Variants in KIF20B observed in about 807,000 individuals in gnomAD.
The protein encoded by KIF20B is kinesin-like protein KIF20B.
Under a neutral mutation model 232.5 loss-of-function variants are expected in KIF20B, and 188 were observed. That is an observed-to-expected ratio of 0.81 (90% CI 0.72 to 0.91). The LOEUF is 0.91. Among genes scored for constraint, KIF20B ranks in the 40% least tolerant of loss-of-function variants. KIF20B has a pLI of 0.00. For missense variants in KIF20B, 2,154 were observed against 2,055.9 expected, an observed-to-expected ratio of 1.05 and a Z score of -0.92; for synonymous variants, 712 against 683.0, an observed-to-expected ratio of 1.04 and a Z score of -0.66.
At chr10:89,753,711 C>G (rs941367252) in intron 25 of KIF20B, among the ~76,000 whole-genome samples, 5 of 152,196 alleles carry the variant, frequency 3.3e-5, no homozygotes, top group Admixed American at 1.3e-4. Flanking sequence ...GCCTCCACCC[C>G]CTGGGTTCAA....
At chr10:89,773,232 G>A (rs1241094932) in intron 32 of KIF20B, among the ~76,000 whole-genome samples, 1 of 151,720 alleles carries the variant, frequency 6.6e-6, no homozygotes, top group Non-Finnish European at 1.5e-5. Flanking sequence ...AGCCTTTGAG[G>A]ATCTATTAGG....
chr10:89,710,838 A>G (rs1357764034), intron 5 of KIF20B, 123 bp from the exon 6 acceptor site: 4 of 624,422 alleles, frequency 6.4e-6, no homozygotes, highest in Non-Finnish European at 8.1e-6. Context: ...ATCCTTAGCT[A>G]TCATTTCCGT....
chr10:89,726,502 G>GT lies in KIF20B; in HGVS notation c.2213dup (p.Leu738PhefsTer7). ...GAGAATTAATCAAAACCAAAGAAGA[G>GT]TTAAAAAAGAGAGAAAATGGTAAGT... On this transcript the variant is annotated frameshift_variant, in exon 16 of 33. Coordinates refer to ENST00000371728, the MANE Select transcript of KIF20B (RefSeq NM_001284259.2). LOFTEE classifies it high-confidence loss of function. The GT allele has an allele frequency of 6.3e-7, 1 of 1,589,286 alleles. No homozygotes were observed.
chr10:89,716,048 A>G (rs537392606), intron 8 of KIF20B, among the ~76,000 whole-genome samples: 9 of 149,648 alleles, frequency 6.0e-5, no homozygotes, highest in African/African-American at 2.2e-4. Flanking sequence ...TCATGATTCA[A>G]TAAATCTGAT....
chr10:89,717,505 A>G lies in KIF20B; in HGVS notation c.1124+10A>G, dbSNP rs753897421. ...TAATTCGAGTCAGTGAGTAAGTTGA[A>G]TATTCTTTAAATTTAATTATTTGTA... On this transcript the variant is annotated intron_variant, in intron 10 of 32. Coordinates refer to ENST00000371728, the MANE Select transcript of KIF20B (RefSeq NM_001284259.2). 4 of 1,589,188 alleles carry G rather than the reference A, an allele frequency of 2.5e-6. No individual in the cohort carries two copies. Among genetic ancestry groups the G allele is most frequent in the East Asian group, 4.5e-5 (2 of 44,236 alleles).
intron 29 of KIF20B, among the ~76,000 whole-genome samples, chr10:89,767,356 A>G (rs886191550): frequency 7.4e-6 from 1 of 135,590 alleles, no homozygotes; most frequent in Non-Finnish European, 1.6e-5. Context: ...GACAGGCTAT[A>G]TTCTAATCCA....
chr10:89,728,439 T>C (rs1041500855), intron 17 of KIF20B, among the ~76,000 whole-genome samples: 3 of 152,242 alleles, frequency 2.0e-5, no homozygotes, highest in African/African-American at 7.2e-5. Flanking sequence ...TCAAGTGCTT[T>C]TTATTAACTC....
intron 29 of KIF20B, chr10:89,766,159 C>T (rs1404967454): frequency 6.6e-6 from 1 of 152,124 alleles, no homozygotes; most frequent in Admixed American, 6.6e-5. Context: ...TAGATTTGGT[C>T]TTTTCACATA....
rs1359405419 is a variant in KIF20B at position 89,716,479 on chromosome 10, A to G, written c.984A>G (p.Arg328=). Residue 328 remains arginine, a synonymous_variant, in exon 9 of 33, where the codon AGA becomes AGG. Transcript: ENST00000371728. ...TATCTGATTCCAAAGAAGCCTATAG[A>G]CTTTTAAAACTAGGAATAAAGCACC... ...IQVSDSKEAY[R]LLKLGIKHQS... 6.3e-7 allele frequency: 1 copy of G among 1,588,086 alleles called. No individual in the cohort carries two copies. Among genetic ancestry groups the G allele is most frequent in the Non-Finnish European group, 8.6e-7 (1 of 1,164,342 alleles).
At chr10:89,765,241 A>G (rs1394235042) in intron 29 of KIF20B, among the ~76,000 whole-genome samples, 1 of 152,174 alleles carries the variant, frequency 6.6e-6, no homozygotes, top group African/African-American at 2.4e-5. Context: ...CTTATACACC[A>G]ATAACAGACA....
intron 27 of KIF20B, among the ~76,000 whole-genome samples, chr10:89,759,582 G>A (rs761278843): frequency 6.6e-6 from 1 of 152,114 alleles, no homozygotes; most frequent in Non-Finnish European, 1.5e-5. Context: ...GTATTGTGTT[G>A]TTTAATAATA....
intron 9 of KIF20B, among the ~76,000 whole-genome samples, chr10:89,716,890 G>A (rs930909437): frequency 5.3e-5 from 8 of 152,178 alleles, no homozygotes; most frequent in African/African-American, 1.2e-4. Flanking sequence ...TACTCAGTGA[G>A]GGTATAATCT....
intron 20 of KIF20B, 133 bp downstream of exon 20, chr10:89,738,750 T>C: frequency 8.1e-7 from 1 of 1,240,234 alleles, no homozygotes; most frequent in South Asian, 1.7e-5. Context: ...AACTTGAACT[T>C]TGTCCATATA....
intron 15 of KIF20B, 106 bp downstream of exon 15, chr10:89,725,264 A>G: frequency 2.0e-6 from 2 of 1,011,216 alleles, no homozygotes; most frequent in East Asian, 2.5e-5. Context: ...AATTAAAACA[A>G]TGCTTTGTGT....
At chr10:89,752,149 G>A (rs1842032943) in intron 24 of KIF20B, among the ~76,000 whole-genome samples, 2 of 152,010 alleles carry the variant, frequency 1.3e-5, no homozygotes, top group South Asian at 4.1e-4. Context: ...AAATGTAATA[G>A]TACTTTGTAA....
At chr10:89,767,525 G>T (rs958271691) in intron 29 of KIF20B, among the ~76,000 whole-genome samples, 7 of 151,922 alleles carry the variant, frequency 4.6e-5, no homozygotes, top group Non-Finnish European at 7.4e-5. Flanking sequence ...GGATTCTGAG[G>T]TTCAGTCATG....
chr10:89,763,091 G>C (rs1320320217), intron 29 of KIF20B, among the ~76,000 whole-genome samples: 4 of 152,048 alleles, frequency 2.6e-5, no homozygotes, highest in Admixed American at 6.6e-5. Context: ...AGACCAACCT[G>C]GTCAACATGG....
chr10:89,768,363 GA>G lies in KIF20B; in HGVS notation c.5066del (p.Asn1689IlefsTer28). On this transcript the variant is annotated frameshift_variant, in exon 30 of 33. Coordinates refer to ENST00000371728, the MANE Select transcript of KIF20B (RefSeq NM_001284259.2). LOFTEE classifies it high-confidence loss of function. ...TTGAAATTTCCTATTTCAGATGATA[GA>G]AATTCTTCTGTCAAAAAGGAACAAA... ...TNLKFPISDD[R>X]NSSVKKEQKV... is the part of the protein sequence containing the mutation. 6.3e-7 allele frequency: 1 copy of G among 1,586,460 alleles called. No homozygotes were observed. The highest frequency in any genetic ancestry group is 1.2e-5 in the South Asian group (1 of 86,866).
At position 89,719,619 on chromosome 10, in the gene KIF20B, T is replaced by C. The variant is rs1843007379; in HGVS notation, c.1635T>C (p.Thr545=). The change falls in exon 13 of 33, where the codon ACT becomes ACC. Residue 545 remains threonine (T), a synonymous_variant. Transcript: ENST00000371728. ...AGGAGCTAGAAAACGCTGAAGAAAC[T>C]CAAAATGTGGAAACTAAACTTCTTG... ...LVEELENAEE[T]QNVETKLLDE... 6.2e-7 allele frequency: 1 copy of C among 1,613,072 alleles called. No individual in the cohort carries two copies. Among genetic ancestry groups the C allele is most frequent in the Non-Finnish European group, 8.5e-7 (1 of 1,179,362 alleles).
Sources: allele counts gnomAD v4.1 joint callset (sites outside exome capture counted in the v4.1 genomes callset), GRCh38; gene constraint gnomAD v4.1.1; transcripts MANE v1.5; gene names NCBI Gene and HGNC (gene_info 2026-07-23, HGNC 2026-07-21).